Variants in DLGAP2 observed in about 807,000 individuals in gnomAD.
DLGAP2 encodes the protein disks large-associated protein 2.
A neutral mutation model predicts 100.3 loss-of-function variants in DLGAP2; 26 were observed. The observed-to-expected ratio is 0.26, with a 90% CI of 0.19 to 0.36. DLGAP2 has a LOEUF of 0.36. Ranked by LOEUF, DLGAP2 falls within the 10% of genes least tolerant of loss-of-function variation. The pLI is 1.00. For synonymous variants in DLGAP2, 886 were observed against 630.1 expected (o/e 1.41, Z -6.08); for missense variants, 1,858 against 1,453.2 (o/e 1.28, Z -4.53).
chr8:1,287,832 G>A (rs1166469612), intron 3 of DLGAP2, among the ~76,000 whole-genome samples: 1 of 139,438 alleles, frequency 7.2e-6, no homozygotes, highest in African/African-American at 2.8e-5. Context: ...TTTTGGTTCA[G>A]CGTGTGTGTG....
At chr8:1,250,584 G>A (rs1257564518) in intron 2 of DLGAP2, 1 of 152,052 alleles carries the variant, frequency 6.6e-6, no homozygotes, top group East Asian at 1.9e-4. Flanking sequence ...TAATTATCTC[G>A]GTCCAGAAGC....
At chr8:1,165,708 G>C (rs1462732714) in intron 2 of DLGAP2, among the ~76,000 whole-genome samples, 1 of 152,114 alleles carries the variant, frequency 6.6e-6, no homozygotes, top group Non-Finnish European at 1.5e-5. Flanking sequence ...TTGCTGTGCA[G>C]GTGTTACAAA....
chr8:854,827 A>G (rs1232088808), intron 1 of DLGAP2, among the ~76,000 whole-genome samples: 1 of 152,164 alleles, frequency 6.6e-6, no homozygotes, highest in African/African-American at 2.4e-5. Flanking sequence ...GGTCCCTGAG[A>G]TGCGATGAAG....
chr8:1,542,035 G>C (rs967307662), intron 4 of DLGAP2, among the ~76,000 whole-genome samples: 2 of 152,218 alleles, frequency 1.3e-5, no homozygotes, highest in African/African-American at 4.8e-5. Flanking sequence ...ACAGGAAACA[G>C]CTTCAGCCAC....
chr8:814,262 T>G (rs144289443), intron 1 of DLGAP2, among the ~76,000 whole-genome samples: 10 of 152,228 alleles, frequency 6.6e-5, no homozygotes, highest in Non-Finnish European at 1.5e-4. Flanking sequence ...CCAGGTTGTG[T>G]AGTGCATAAG....
chr8:1,266,534 T>C lies in DLGAP2; in HGVS notation c.106+7651T>C, dbSNP rs79159913. On this transcript the variant is annotated intron_variant, in intron 3 of 14. Coordinates refer to ENST00000637795, the MANE Select transcript of DLGAP2 (RefSeq NM_001346810.2). ...TCATATTATTTGCTTCCTTAAATCC[T>C]GTCAGTTCCTCCTCTGTTGGATAAA... Among the ~76,000 whole-genome samples, 313 of 152,342 alleles carry C rather than the reference T, an allele frequency of 2.1e-3. 7 individuals carry two copies. In the East Asian group the frequency reaches 0.053, roughly 26 times the overall value.
intron 3 of DLGAP2, among the ~76,000 whole-genome samples, chr8:1,491,980 C>T (rs1035129665): frequency 2.0e-5 from 3 of 152,216 alleles, no homozygotes; most frequent in Non-Finnish European, 4.4e-5. Flanking sequence ...GAGCCGGGCT[C>T]CGCTGTCGTG....
chr8:1,159,895 C>A (rs1796857327), intron 2 of DLGAP2, among the ~76,000 whole-genome samples: 1 of 152,176 alleles, frequency 6.6e-6, no homozygotes, highest in Non-Finnish European at 1.5e-5. Context: ...GAGGCATGGA[C>A]ACCAGGCTGT....
intron 2 of DLGAP2, among the ~76,000 whole-genome samples, chr8:1,123,165 G>T (rs920547676): frequency 1.4e-4 from 22 of 152,152 alleles, no homozygotes; most frequent in Non-Finnish European, 2.9e-5. Context: ...TGACAATTTT[G>T]TGAATTATGA....
At chr8:1,564,795 C>T (rs1402725565) in intron 5 of DLGAP2, among the ~76,000 whole-genome samples, 3 of 152,162 alleles carry the variant, frequency 2.0e-5, no homozygotes, top group Non-Finnish European at 4.4e-5. Flanking sequence ...ATATAACAAG[C>T]ACAGGTGGTC....
chr8:805,719 G>T (rs570607522), intron 1 of DLGAP2, among the ~76,000 whole-genome samples: 3 of 152,222 alleles, frequency 2.0e-5, no homozygotes, highest in African/African-American at 7.2e-5. Flanking sequence ...TCCCTTCTCA[G>T]CCTCCTGAGT....
At chr8:946,892 G>A (rs1445182280) in intron 2 of DLGAP2, among the ~76,000 whole-genome samples, 2 of 152,220 alleles carry the variant, frequency 1.3e-5, no homozygotes, top group East Asian at 1.9e-4. Flanking sequence ...AGCACAGTCT[G>A]TGCATAAAGC....
At position 1,568,290 on chromosome 8, in the gene DLGAP2, C is replaced by A. The variant is rs192350732; in HGVS notation, c.1442+2396C>A. On this transcript the variant is annotated intron_variant, in intron 6 of 14. Transcript: ENST00000637795. Reference sequence around the variant, plus strand: ...GTCCACTCAGCAGACACAAATCCGTCTTTGCCTGTGGCCTCCATGCCACTG... The same window carrying A: ...GTCCACTCAGCAGACACAAATCCGTATTTGCCTGTGGCCTCCATGCCACTG... Among the ~76,000 whole-genome samples, 298 of 41,868 alleles carry A rather than the reference C, an allele frequency of 7.1e-3. 49 individuals are homozygous for A. Among genetic ancestry groups the A allele is most frequent in the African/African-American group, 0.032 (278 of 8,668 alleles). 27.5% of individuals were successfully genotyped at this position (41,868 alleles called of 152,430 possible). A position where few individuals can be genotyped will look rare whatever the true frequency, so the allele number is the denominator to read the frequency against.
intron 8 of DLGAP2, among the ~76,000 whole-genome samples, chr8:1,634,239 T>C (rs968423483): frequency 3.2e-4 from 48 of 152,308 alleles, no homozygotes; most frequent in African/African-American, 1.1e-3. Flanking sequence ...TTAAAGATTA[T>C]TTTTCAAAGA....
intron 2 of DLGAP2, among the ~76,000 whole-genome samples, chr8:1,167,939 G>C (rs754719150): frequency 2.0e-5 from 3 of 151,838 alleles, no homozygotes; most frequent in Non-Finnish European, 2.9e-5. Flanking sequence ...GTGTAGGCTA[G>C]TTACATATGT....
At chr8:1,097,671 A>G (rs374033363) in intron 2 of DLGAP2, among the ~76,000 whole-genome samples, 4,684 of 104,732 alleles carry the variant, frequency 0.045, no homozygotes, top group East Asian at 0.1. Flanking sequence ...GCAGGCCTTC[A>G]CCCTCTGTGG....
At chr8:1,111,161 GC>G (rs1804945177) in intron 2 of DLGAP2, among the ~76,000 whole-genome samples, 1 of 152,154 alleles carries the variant, frequency 6.6e-6, no homozygotes, top group Admixed American at 6.5e-5. Context: ...TGCAAAGATG[GC>G]CAAGCTACAG....
intron 1 of DLGAP2, among the ~76,000 whole-genome samples, chr8:757,001 G>A (rs1392185331): frequency 6.6e-6 from 1 of 152,170 alleles, no homozygotes; most frequent in African/African-American, 2.4e-5. Context: ...CTTCCGGAAT[G>A]TTTGCCTCAA....
At chr8:1,652,877 T>A (rs1798199385) in intron 8 of DLGAP2, among the ~76,000 whole-genome samples, 1 of 152,176 alleles carries the variant, frequency 6.6e-6, no homozygotes, top group Non-Finnish European at 1.5e-5. Context: ...TATCATCCCA[T>A]CAGCGTTCGT....
Sources: gnomAD v4.1 joint callset for allele counts (sites outside exome capture counted in the v4.1 genomes callset) on GRCh38, gnomAD v4.1.1 for gene constraint, MANE v1.5 for transcripts, NCBI Gene and HGNC (gene_info 2026-07-23, HGNC 2026-07-21) for gene names.